Variants in WDHD1 observed in about 807,000 individuals in gnomAD.
WDHD1 encodes the protein WD repeat and HMG-box DNA binding protein 1, also known as WD repeat and HMG-box DNA-binding protein 1.
A neutral mutation model predicts 135.4 loss-of-function variants in WDHD1; 111 were observed. The ratio of observed to expected loss-of-function variants is 0.82; its 90% CI spans 0.70 to 0.96. The LOEUF is 0.96. Ranked by LOEUF, WDHD1 falls within the 40% of genes least tolerant of loss-of-function variation. WDHD1 has a pLI of 0.00. For missense variants in WDHD1, 1,351 were observed against 1,336.3 expected, an observed-to-expected ratio of 1.01 and a Z score of -0.17; for synonymous variants, 434 against 439.0, an observed-to-expected ratio of 0.99 and a Z score of 0.14.
chr14:55,008,741 C>T (rs1196445412), intron 4 of WDHD1, 22 bp from the exon 5 acceptor site: 1 of 1,522,438 alleles, frequency 6.6e-7, no homozygotes, highest in Non-Finnish European at 9.0e-7. Context: ...AAGAGTAACG[C>T]AAATGAATAA....
At position 54,982,163 on chromosome 14, in the gene WDHD1, C is replaced by T. The variant is rs376107153; in HGVS notation, c.1907-467G>A. Reference sequence around the variant, plus strand: ...CTGGGACTACAGGCACCCGCCACCACGCCCAGCTAATTTTTTTTTGTATTT... The same window carrying T: ...CTGGGACTACAGGCACCCGCCACCATGCCCAGCTAATTTTTTTTTGTATTT... On this transcript the variant is annotated intron_variant, in intron 15 of 25. Coordinates refer to ENST00000360586, the MANE Select transcript of WDHD1 (RefSeq NM_007086.4). Among the ~76,000 whole-genome samples the T allele has an allele frequency of 1.1e-3, 164 of 151,938 alleles. No homozygotes were observed. The East Asian group carries it at 0.013, about 12-fold the overall frequency.
chr14:54,971,712 CAAAAAA>C (rs1195129802), intron 16 of WDHD1, among the ~76,000 whole-genome samples: 1 of 42,278 alleles, frequency 2.4e-5, no homozygotes, highest in African/African-American at 9.1e-5. Context: ...GACTCTGCCT[CAAAAAA>C]AAAAAAAAAA....
chr14:54,951,876 C>T (rs968350147), intron 24 of WDHD1, among the ~76,000 whole-genome samples: 5 of 152,120 alleles, frequency 3.3e-5, no homozygotes, highest in African/African-American at 1.2e-4. Context: ...ATAAACAGAA[C>T]CAAAGACTAA....
At chr14:55,012,463 G>A (rs928682143) in intron 3 of WDHD1, among the ~76,000 whole-genome samples, 8 of 151,990 alleles carry the variant, frequency 5.3e-5, no homozygotes, top group African/African-American at 1.2e-4. Flanking sequence ...CCATATTTGC[G>A]TTACACAAAA....
rs536175957 is a variant in WDHD1 at position 55,014,354 on chromosome 14, T to G, written c.78-758A>C. Among the ~76,000 whole-genome samples, 16 of 152,316 alleles carry G rather than the reference T, an allele frequency of 1.1e-4. No individual in the cohort carries two copies. The South Asian group carries it at 3.3e-3, about 32-fold the overall frequency. On this transcript the variant is annotated intron_variant, in intron 2 of 25. Coordinates refer to ENST00000360586, the MANE Select transcript of WDHD1 (RefSeq NM_007086.4). ...ATCTGCCTGTCTTGACCTCCCAAAG[T>G]CAAGGGATTACAGACATGAGTCACC...
intron 10 of WDHD1, 127 bp from the exon 11 acceptor site, chr14:54,995,940 G>T: frequency 3.2e-6 from 2 of 626,044 alleles, no homozygotes; most frequent in Admixed American, 3.2e-5. Flanking sequence ...GAACAGATAA[G>T]AATAATTAGT....
intron 15 of WDHD1, among the ~76,000 whole-genome samples, chr14:54,984,335 A>C (rs2041664354): frequency 6.6e-6 from 1 of 152,116 alleles, no homozygotes; most frequent in African/African-American, 2.4e-5. Context: ...TCTCTACAAA[A>C]AATACAAAAA....
intron 13 of WDHD1, among the ~76,000 whole-genome samples, chr14:54,987,628 C>A (rs996635241): frequency 1.3e-5 from 2 of 150,900 alleles, no homozygotes; most frequent in Admixed American, 6.6e-5. Flanking sequence ...AATACAAATT[C>A]TTTTTTTTTG....
At chr14:54,996,127 G>A (rs1009424372) in intron 10 of WDHD1, among the ~76,000 whole-genome samples, 6 of 152,136 alleles carry the variant, frequency 3.9e-5, no homozygotes, top group African/African-American at 1.4e-4. Context: ...TAGAAAAGAA[G>A]TGATATTAAT....
At chr14:54,978,192 T>G (rs184179873) in intron 16 of WDHD1, among the ~76,000 whole-genome samples, 2 of 152,230 alleles carry the variant, frequency 1.3e-5, no homozygotes, top group South Asian at 2.1e-4. Context: ...TAAGATAGAC[T>G]GTGAATTCTT....
intron 10 of WDHD1, among the ~76,000 whole-genome samples, chr14:54,996,823 C>T (rs543190931): frequency 1.8e-4 from 27 of 152,102 alleles, no homozygotes; most frequent in Non-Finnish European, 3.4e-4. Flanking sequence ...AGTGGAGTCT[C>T]GCTCTGTCGC....
chr14:54,963,049 G>A lies in WDHD1; in HGVS notation c.2434C>T (p.Leu812=). 1.9e-6 allele frequency: 3 copies of A among 1,613,828 alleles called. No homozygotes were observed. The highest frequency in any genetic ancestry group is 1.7e-6 in the Non-Finnish European group (2 of 1,180,020). The part of the protein sequence containing the change: ...RSRKLILAQK[L]SELAVEKAAE... The stretch of plus-strand genomic sequence containing the variant: ...GCCTTCTCTACAGCCAGTTCACTTA[G>A]TTTTTGAGCCAGTATTAATTTCCGA... The change falls in exon 19 of 26, where the codon CTA becomes TTA. Residue 812 remains leucine (L), a synonymous_variant. Coordinates refer to ENST00000360586, the MANE Select transcript of WDHD1 (RefSeq NM_007086.4).
Position 55,005,438 on chromosome 14 carries a change from G to A in WDHD1, c.600+1842C>T, listed in dbSNP as rs2042049829. 6 of 569,086 alleles carry A rather than the reference G, an allele frequency of 1.1e-5. 1 individual carries two copies. Among genetic ancestry groups the A allele is most frequent in the African/African-American group, 1.9e-5 (1 of 53,672 alleles). The allele number at this position is 569,086 out of a possible 1,614,324, so 35.3% of individuals were successfully genotyped here. On this transcript the variant is annotated intron_variant, in intron 7 of 25. Coordinates refer to ENST00000360586, the MANE Select transcript of WDHD1 (RefSeq NM_007086.4). Reference sequence around the variant, plus strand: ...AGCAGCAAACTTCAGCATGGCCTTCGGACCAGTATTCCTGGATGATATGAC... The same window carrying A: ...AGCAGCAAACTTCAGCATGGCCTTCAGACCAGTATTCCTGGATGATATGAC...
At chr14:54,977,001 T>A (rs1252879313) in intron 16 of WDHD1, among the ~76,000 whole-genome samples, 1 of 152,134 alleles carries the variant, frequency 6.6e-6, no homozygotes, top group Non-Finnish European at 1.5e-5. Context: ...AACAAGCTGG[T>A]CTTTATAGGA....
At position 54,940,268 on chromosome 14, in the gene WDHD1, G is replaced by A. The variant is rs1363487332; in HGVS notation, c.*1222C>T. ...CTATTAGTAGTAGGTAGAGAAGCGG[G>A]TCTCCGAACCTAGGTAATCTGGCTT... On this transcript the variant is annotated 3_prime_UTR_variant, in exon 26 of 26. Coordinates refer to ENST00000360586, the MANE Select transcript of WDHD1 (RefSeq NM_007086.4). 6.6e-6 allele frequency: 1 copy of A among 152,170 alleles called. No homozygotes were observed. Among genetic ancestry groups the A allele is most frequent in the African/African-American group, 2.4e-5 (1 of 41,434 alleles). The allele number at this position is 152,170 out of a possible 1,614,324, so 9.4% of individuals were successfully genotyped here. A position where few individuals can be genotyped will look rare whatever the true frequency, so the allele number is the denominator to read the frequency against.
At chr14:54,947,273 G>A (rs1018257913) in intron 24 of WDHD1, among the ~76,000 whole-genome samples, 3 of 152,184 alleles carry the variant, frequency 2.0e-5, no homozygotes, top group African/African-American at 7.2e-5. Context: ...CAGAGGCAGA[G>A]GTTGCAGTGA....
At chr14:54,941,978 C>T (rs12147796) in intron 25 of WDHD1, among the ~76,000 whole-genome samples, 51,852 of 151,982 alleles carry the variant, frequency 0.34, 9,349 homozygotes, top group African/African-American at 0.46. Context: ...TGGCCAGGCA[C>T]GGTGGCTCAT....
chr14:54,961,523 G>C (rs2041251745), intron 21 of WDHD1, among the ~76,000 whole-genome samples: 1 of 151,914 alleles, frequency 6.6e-6, no homozygotes, highest in African/African-American at 2.4e-5. Flanking sequence ...TTCTGCTCCT[G>C]TTCCCATGCA....
chr14:54,981,030 G>A (rs1413347848), intron 16 of WDHD1, among the ~76,000 whole-genome samples: 13 of 151,648 alleles, frequency 8.6e-5, no homozygotes, highest in Non-Finnish European at 1.0e-4. Flanking sequence ...AGAATGGTGT[G>A]ATCCCGTGAG....
Sources: gnomAD v4.1 joint callset for allele counts (sites outside exome capture counted in the v4.1 genomes callset) on GRCh38, gnomAD v4.1.1 for gene constraint, MANE v1.5 for transcripts, NCBI Gene and HGNC (gene_info 2026-07-23, HGNC 2026-07-21) for gene names.